DMD: variants seen among roughly 807,000 people sequenced by gnomAD.
DMD encodes the protein mutant dystrophin.
A neutral mutation model predicts 330.1 loss-of-function variants in DMD; 63 were observed. That is an observed-to-expected ratio of 0.19 (90% CI 0.16 to 0.24). The LOEUF is 0.24. Ranked by LOEUF, DMD falls within the 10% of genes least tolerant of loss-of-function variation. The pLI, the probability that DMD is intolerant of heterozygous loss-of-function variation, is 1.00. For synonymous variants in DMD, 1,223 were observed against 959.8 expected, an observed-to-expected ratio of 1.27 and a Z score of -5.07; for missense variants, 3,344 against 2,684.1, an observed-to-expected ratio of 1.25 and a Z score of -5.43.
chrX:32,999,039 T>C (rs2093204182), intron 2 of DMD, among the ~76,000 whole-genome samples: 1 of 112,496 alleles, frequency 8.9e-6, no homozygotes. Flanking sequence ...GGAAATTCAG[T>C]GTCCTTACAC....
At chrX:32,782,969 C>T (rs2074940188) in intron 7 of DMD, among the ~76,000 whole-genome samples, 1 of 102,769 alleles carries the variant, frequency 9.7e-6, no homozygotes, top group Non-Finnish European at 2.0e-5. Context: ...TACACACACA[C>T]ATATATATAC....
Position 31,869,404 on chromosome X carries a change from A to ATTT in DMD, c.7098+5781_7098+5783dup, listed in dbSNP as rs34962396. ...TTTGCATTTCTTTGTAAACGACATG[A>ATTT]TTTTTTTTTTTTTTTTTTTACCTAC... On this transcript the variant is annotated intron_variant, in intron 48 of 78. Transcript: ENST00000357033. Among the ~76,000 whole-genome samples, 661 of 83,132 alleles carry ATTT rather than the reference A, an allele frequency of 8.0e-3. 5 individuals carry two copies. Among genetic ancestry groups the ATTT allele is most frequent in the Admixed American group, 0.011 (79 of 6,897 alleles). 72.2% of individuals were successfully genotyped at this position (83,132 alleles called of 115,157 possible). A position where few individuals can be genotyped will look rare whatever the true frequency, so the allele number is the denominator to read the frequency against.
intron 44 of DMD, among the ~76,000 whole-genome samples, chrX:32,129,213 T>C (rs1188704217): frequency 8.9e-6 from 1 of 112,109 alleles, no homozygotes; most frequent in East Asian, 2.8e-4. Flanking sequence ...TAAAAGTATA[T>C]ATACTGACAA....
chrX:32,518,053 G>A lies in DMD; in HGVS notation c.2247C>T (p.Ile749=). ...CTGAGAAGTTGCCTTCCTTCCGAAA[G>A]ATTGCAAATTCAGGACTCTGCAACA... ...EAVLQSPEFA[I]FRKEGNFSDL... is the part of the protein sequence containing the mutation. Residue 749 remains isoleucine, a synonymous_variant, in exon 18 of 79, where the codon ATC becomes ATT. Transcript: ENST00000357033. The A allele has an allele frequency of 1.7e-6, 2 of 1,210,043 alleles. No individual in the cohort carries two copies. The highest frequency in any genetic ancestry group is 2.2e-6 in the Non-Finnish European group (2 of 894,022).
At position 32,631,821 on chromosome X, in the gene DMD, C is replaced by G. The variant is rs765764661; in HGVS notation, c.1331+12311G>C. ...ACGCCATGATTCATTCGGCTCCCAC[C>G]CAGGCCCCACCTCTGACAGTGAGGA... On this transcript the variant is annotated intron_variant, in intron 11 of 78. Transcript: ENST00000357033. 4.5e-5 allele frequency among the ~76,000 whole-genome samples: 5 copies of G among 111,367 alleles called. No homozygotes were observed. In the South Asian group the frequency reaches 1.9e-3, roughly 43 times the overall value.
At chrX:31,889,255 G>T (rs925888087) in intron 47 of DMD, among the ~76,000 whole-genome samples, 3 of 111,768 alleles carry the variant, frequency 2.7e-5, no homozygotes, top group Admixed American at 9.5e-5. Context: ...GAGCAGCACT[G>T]TTATTCATTA....
At chrX:32,635,316 G>A (rs1286981281) in intron 11 of DMD, among the ~76,000 whole-genome samples, 1 of 111,068 alleles carries the variant, frequency 9.0e-6, no homozygotes, top group African/African-American at 3.3e-5. Flanking sequence ...CTACGATCAT[G>A]CACCTAATTT....
intron 17 of DMD, among the ~76,000 whole-genome samples, chrX:32,524,090 G>A (rs60999406): frequency 5.5e-5 from 6 of 108,772 alleles, no homozygotes; most frequent in African/African-American, 1.0e-4. Flanking sequence ...CCGCCACCAC[G>A]CCCGGCTAAT....
At chrX:33,240,939 C>G (rs1464604160) in intron 1 of DMD, among the ~76,000 whole-genome samples, 2 of 112,054 alleles carry the variant, frequency 1.8e-5, no homozygotes, top group African/African-American at 6.5e-5. Flanking sequence ...GTTTGAGTTA[C>G]TGATCTATTT....
intron 62 of DMD, among the ~76,000 whole-genome samples, chrX:31,285,590 T>G (rs1166943319): frequency 1.8e-5 from 2 of 111,888 alleles, no homozygotes; most frequent in Non-Finnish European, 3.8e-5. Flanking sequence ...TTGATTTTCA[T>G]TAACGCTCTC....
At position 33,123,725 on chromosome X, in the gene DMD, GTTT is replaced by G. The variant is rs780028344; in HGVS notation, c.31+87554_31+87556del. Among the ~76,000 whole-genome samples the G allele has an allele frequency of 8.1e-3, 696 of 85,849 alleles. 10 individuals carry two copies. The highest frequency in any genetic ancestry group is 0.027 in the African/African-American group (668 of 24,350). The allele number at this position is 85,849 out of a possible 115,157, so 74.5% of individuals were successfully genotyped here. On this transcript the variant is annotated intron_variant, in intron 1 of 78. Coordinates refer to ENST00000357033, the MANE Select transcript of DMD (RefSeq NM_004006.3). ...GAGCCACCACGCCCGGTTCAAATGA[GTTT>G]TTTTTTTTTTTTTTCAGTCCAATAT...
At chrX:32,220,858 GT>G (rs201049908) in intron 43 of DMD, among the ~76,000 whole-genome samples, 4 of 110,337 alleles carry the variant, frequency 3.6e-5, no homozygotes, top group East Asian at 5.7e-4. Context: ...AGGAAAAAAA[GT>G]TTTTTTTCTT....
chrX:33,193,501 GT>G (rs2050768317), intron 1 of DMD, among the ~76,000 whole-genome samples: 2 of 111,884 alleles, frequency 1.8e-5, no homozygotes, highest in African/African-American at 6.5e-5. Context: ...AATTTTAATG[GT>G]TTCCTGCAAT....
At chrX:32,892,838 T>C (rs761422236) in intron 2 of DMD, among the ~76,000 whole-genome samples, 2 of 112,321 alleles carry the variant, frequency 1.8e-5, no homozygotes, top group East Asian at 5.6e-4. Flanking sequence ...ACAATGATCG[T>C]GTAAGCAAGG....
At chrX:33,217,965 C>T (rs958175295) in intron 1 of DMD, among the ~76,000 whole-genome samples, 1 of 111,212 alleles carries the variant, frequency 9.0e-6, no homozygotes, top group Non-Finnish European at 1.9e-5. Context: ...ACTTCCAGTA[C>T]TATGAATAAT....
intron 47 of DMD, among the ~76,000 whole-genome samples, chrX:31,896,976 G>A (rs1341685623): frequency 9.1e-6 from 1 of 109,316 alleles, no homozygotes. Context: ...CATTGTGCAG[G>A]TTAGTTACAT....
chrX:32,589,326 A>G (rs763256610), intron 13 of DMD, among the ~76,000 whole-genome samples: 10 of 111,381 alleles, frequency 9.0e-5, no homozygotes, highest in Non-Finnish European at 1.7e-4. Flanking sequence ...TCTAGACACT[A>G]TATCACAGTC....
At chrX:31,714,012 A>G (rs890160824) in intron 52 of DMD, among the ~76,000 whole-genome samples, 13 of 112,117 alleles carry the variant, frequency 1.2e-4, no homozygotes, top group Non-Finnish European at 1.9e-4. Flanking sequence ...TGTGTAAATT[A>G]GATCCTTACT....
At chrX:33,059,908 A>G (rs2094562317) in intron 1 of DMD, among the ~76,000 whole-genome samples, 1 of 112,134 alleles carries the variant, frequency 8.9e-6, no homozygotes, top group Non-Finnish European at 1.9e-5. Flanking sequence ...AGAAAATGCA[A>G]ATATCTGTTC....
Sources: allele counts gnomAD v4.1 joint callset (sites outside exome capture counted in the v4.1 genomes callset), GRCh38; gene constraint gnomAD v4.1.1; transcripts MANE v1.5; gene names NCBI Gene and HGNC (gene_info 2026-07-23, HGNC 2026-07-21).